Variants in SCUBE2 observed in about 807,000 individuals in gnomAD.
SCUBE2 encodes the protein signal peptide, CUB domain and EGF like domain containing 2, also known as signal peptide, CUB and EGF-like domain-containing protein 2.
Under a neutral mutation model 125.9 loss-of-function variants are expected in SCUBE2, and 114 were observed. The observed-to-expected ratio is 0.91, with a 90% CI of 0.78 to 1.06. The LOEUF is 1.06. Ranked by LOEUF, SCUBE2 falls within the 50% of genes least tolerant of loss-of-function variation. The pLI is 0.00. For synonymous variants in SCUBE2, 459 were observed against 492.9 expected (o/e 0.93, Z 0.91); for missense variants, 1,255 against 1,301.8 (o/e 0.96, Z 0.55).
chr11:9,029,871 G>C lies in SCUBE2; in HGVS notation c.2503+13C>G. On this transcript the variant is annotated intron_variant, in intron 19 of 22. Coordinates refer to ENST00000649792, the MANE Select transcript of SCUBE2 (RefSeq NM_001367977.2). ...TTAGCCAGAACTATGAAAAGCCTTA[G>C]AGAGGGACCTACTTTTACACTGGGT... The C allele has an allele frequency of 6.2e-7, 1 of 1,614,134 alleles. No homozygotes were observed. The highest frequency in any genetic ancestry group is 8.5e-7 in the Non-Finnish European group (1 of 1,179,978).
intron 2 of SCUBE2, 32 bp downstream of exon 2, chr11:9,089,675 C>T: frequency 6.2e-7 from 1 of 1,608,708 alleles, no homozygotes; most frequent in Non-Finnish European, 8.5e-7. Flanking sequence ...AGCTTCCCTA[C>T]AGTCCCCCCA....
chr11:9,025,675 T>C (rs371531908), intron 21 of SCUBE2, 27 bp downstream of exon 21: 19 of 1,612,844 alleles, frequency 1.2e-5, no homozygotes, highest in Non-Finnish European at 1.5e-5. Context: ...AGAGACGCTC[T>C]TTCCATGTGC....
At chr11:9,053,255 C>T in intron 11 of SCUBE2, 40 bp from the exon 12 acceptor site, 1 of 1,542,732 alleles carries the variant, frequency 6.5e-7, no homozygotes, top group Admixed American at 1.7e-5. Context: ...AAGAGAAGGA[C>T]ATTTCCAAGT....
rs867352027 is a variant in SCUBE2 at position 9,091,026 on chromosome 11, G to A, written c.133+370C>T. Among the ~76,000 whole-genome samples, 96 of 152,308 alleles carry A rather than the reference G, an allele frequency of 6.3e-4. No individual in the cohort carries two copies. Among genetic ancestry groups the A allele is most frequent in the African/African-American group, 1.8e-3 (73 of 41,574 alleles). ...AACGGCAAAGCTGCCACCGCCTCGC[G>A]GATGTGCCCGGCCCGGCCCTCAGTT... On this transcript the variant is annotated intron_variant, in intron 1 of 22. Transcript: ENST00000649792. The surrounding 1 kb of genome is among the most constrained non-coding windows in gnomAD (Gnocchi z 8.5).
At chr11:9,045,714 G>A (rs2135371735) in intron 16 of SCUBE2, among the ~76,000 whole-genome samples, 1 of 151,344 alleles carries the variant, frequency 6.6e-6, no homozygotes, top group Middle Eastern at 3.4e-3. Context: ...TAACACACCT[G>A]ACACTTCTTT....
intron 4 of SCUBE2, among the ~76,000 whole-genome samples, 159 bp downstream of exon 4, chr11:9,074,322 C>G (rs1038196179): frequency 6.6e-6 from 1 of 152,208 alleles, no homozygotes; most frequent in Non-Finnish European, 1.5e-5. Context: ...GTTCAAATAA[C>G]TTGCCCACGG....
chr11:9,056,677 G>T (rs7106265), intron 9 of SCUBE2, among the ~76,000 whole-genome samples: 61,780 of 151,970 alleles, frequency 0.41, 14,373 homozygotes, highest in African/African-American at 0.65. Context: ...GTCCATCTCA[G>T]CATCTCTTTC....
At chr11:9,047,752 C>G (rs922107484) in intron 15 of SCUBE2, among the ~76,000 whole-genome samples, 190 bp from the exon 16 acceptor site, 2 of 152,016 alleles carry the variant, frequency 1.3e-5, no homozygotes, top group Non-Finnish European at 2.9e-5. Flanking sequence ...AGAATGGTAG[C>G]TTTGGGTTTT....
intron 17 of SCUBE2, 194 bp from the exon 18 acceptor site, chr11:9,031,119 C>T: frequency 1.8e-6 from 1 of 567,462 alleles, no homozygotes; most frequent in Non-Finnish European, 3.1e-6. Flanking sequence ...CTGCTGTTTA[C>T]ACACAGGGCT....
chr11:9,059,629 T>C, intron 8 of SCUBE2: 1 of 645,554 alleles, frequency 1.5e-6, no homozygotes, highest in Non-Finnish European at 2.5e-6. Flanking sequence ...AAGTGTTTCA[T>C]CGTCTTGAGA....
intron 19 of SCUBE2, among the ~76,000 whole-genome samples, chr11:9,029,459 G>C (rs556260116): frequency 1.3e-5 from 2 of 152,110 alleles, no homozygotes; most frequent in African/African-American, 4.8e-5. Context: ...CTCATCTCTC[G>C]AGACAGAGTC....
intron 2 of SCUBE2, among the ~76,000 whole-genome samples, 183 bp from the exon 3 acceptor site, chr11:9,079,692 C>T (rs1861480363): frequency 6.6e-6 from 1 of 152,014 alleles, no homozygotes; most frequent in Admixed American, 6.6e-5. Context: ...ATACTGTAAA[C>T]AACCTAAGTT....
chr11:9,036,049 G>A (rs569133682), intron 16 of SCUBE2, among the ~76,000 whole-genome samples: 11 of 152,052 alleles, frequency 7.2e-5, no homozygotes, highest in East Asian at 5.8e-4. Context: ...CCACCATGCC[G>A]GGCTAATTTT....
chr11:9,035,808 T>C (rs1856704032), intron 16 of SCUBE2, among the ~76,000 whole-genome samples: 1 of 148,592 alleles, frequency 6.7e-6, no homozygotes, highest in Non-Finnish European at 1.5e-5. Context: ...TAATAAAGTC[T>C]ATCCAAATAT....
At chr11:9,047,166 T>G (rs1857861223) in intron 16 of SCUBE2, among the ~76,000 whole-genome samples, 190 bp downstream of exon 16, 1 of 139,700 alleles carries the variant, frequency 7.2e-6, no homozygotes. Context: ...TCAGTCTCAC[T>G]CCGGGGAGCT....
intron 9 of SCUBE2, among the ~76,000 whole-genome samples, chr11:9,056,452 A>G (rs1235126914): frequency 6.6e-6 from 1 of 152,208 alleles, no homozygotes; most frequent in Non-Finnish European, 1.5e-5. Flanking sequence ...CTCTGCACTG[A>G]AAGAATGCAT....
At position 9,053,202 on chromosome 11, in the gene SCUBE2, GA is replaced by G; in HGVS notation, c.1343del (p.Leu448ProfsTer73). ...CACGGGGTGACACACTTGTGGGCAG[GA>G]GCCCCTTCACTTCTAGACAGGACAA... The part of the protein sequence containing the change: ...NKKDCVEVKG[L>X]LPTSVSPRVS... On this transcript the variant is annotated frameshift_variant, in exon 12 of 23. Coordinates refer to ENST00000649792, the MANE Select transcript of SCUBE2 (RefSeq NM_001367977.2). LOFTEE classifies it high-confidence loss of function. The G allele has an allele frequency of 6.2e-7, 1 of 1,614,022 alleles. No individual in the cohort carries two copies. The highest frequency in any genetic ancestry group is 8.5e-7 in the Non-Finnish European group (1 of 1,179,880).
chr11:9,074,504 T>C lies in SCUBE2; in HGVS notation c.494A>G (p.His165Arg). ...KEGFFLSDNQ[H>R]TCIHRSEEGL... ...ACCTTCCGAGCGGTGAATGCAGGTG[T>C]GCTGATTGTCACTCAGGAAAAACCC... The change falls in exon 4 of 23, where the codon CAC becomes CGC. Residue 165 changes from histidine (H) to arginine (R), a missense_variant. By Grantham distance (29) the His-to-Arg change is conservative. This residue lies in a region of SCUBE2 where 362 missense variants were observed against 323.0 expected (regional missense o/e 1.12). Transcript: ENST00000649792. The C allele has an allele frequency of 1.9e-6, 3 of 1,614,140 alleles. No homozygotes were observed. Among genetic ancestry groups the C allele is most frequent in the Non-Finnish European group, 2.5e-6 (3 of 1,180,012 alleles).
At chr11:9,061,290 C>T (rs1305157810) in intron 7 of SCUBE2, among the ~76,000 whole-genome samples, 3 of 152,106 alleles carry the variant, frequency 2.0e-5, no homozygotes, top group Non-Finnish European at 4.4e-5. Context: ...AGGGTGGTGG[C>T]TTACCCCTGT....
Sources: allele counts gnomAD v4.1 joint callset (sites outside exome capture counted in the v4.1 genomes callset), GRCh38; gene constraint gnomAD v4.1.1; regional missense constraint gnomAD v4.1.1; non-coding constraint Gnocchi (gnomAD v3.1); transcripts MANE v1.5; gene names NCBI Gene and HGNC (gene_info 2026-07-23, HGNC 2026-07-21).